Variants in CSMD1 observed in about 807,000 individuals in gnomAD.
CSMD1 encodes CUB and Sushi multiple domains 1, also known as CUB and sushi domain-containing protein 1.
A neutral mutation model predicts 417.5 loss-of-function variants in CSMD1; 213 were observed. The observed-to-expected ratio is 0.51, with a 90% confidence interval of 0.46 to 0.57. CSMD1 has a LOEUF of 0.57. Among genes scored for constraint, CSMD1 ranks in the 20% least tolerant of loss-of-function variants. CSMD1 has a pLI of 0.00. For missense variants in CSMD1, 6,923 were observed against 4,529.7 expected (o/e 1.53, Z -15.17); for synonymous variants, 2,862 against 1,736.8 (o/e 1.65, Z -16.11).
At chr8:4,993,438 C>G (rs999302218) in intron 1 of CSMD1, among the ~76,000 whole-genome samples, 9 of 152,186 alleles carry the variant, frequency 5.9e-5, no homozygotes, top group Admixed American at 1.3e-4. Flanking sequence ...AGCTTATGTT[C>G]TTTCCCGGAG....
chr8:3,074,738 T>C (rs147586376), intron 49 of CSMD1, among the ~76,000 whole-genome samples: 1 of 152,236 alleles, frequency 6.6e-6, no homozygotes, highest in Non-Finnish European at 1.5e-5. Context: ...ACATATATTT[T>C]AGAATAGAAT....
rs193023005 is a variant in CSMD1, at chr8:4,114,715, A to C, written c.416-82616T>G. ...AGGTCAAAATTTCAAAATGAATAGGAGTTTAGAAGAAGTTGATTCCAACAC... is the reference window on the plus strand; with the variant it reads ...AGGTCAAAATTTCAAAATGAATAGGCGTTTAGAAGAAGTTGATTCCAACAC... On this transcript the variant is annotated intron_variant, in intron 3 of 69. Transcript: ENST00000635120. Among the ~76,000 whole-genome samples, 28 of 152,300 alleles carry C rather than the reference A, an allele frequency of 1.8e-4. No individual in the cohort carries two copies. In the East Asian group the frequency reaches 4.4e-3, roughly 24 times the overall value.
intron 6 of CSMD1, 95 bp downstream of exon 6, chr8:3,753,835 G>A: frequency 2.6e-6 from 2 of 755,630 alleles, no homozygotes; most frequent in Non-Finnish European, 2.1e-6. Context: ...CCATTTTCAA[G>A]CTATTTATCC....
chr8:4,486,532 T>C (rs1349719711), intron 2 of CSMD1, among the ~76,000 whole-genome samples: 2 of 152,008 alleles, frequency 1.3e-5, no homozygotes, highest in African/African-American at 4.8e-5. Context: ...TTTATCTGTT[T>C]AGTAATATTT....
At chr8:3,948,990 A>T (rs1341912628) in intron 5 of CSMD1, among the ~76,000 whole-genome samples, 1 of 152,214 alleles carries the variant, frequency 6.6e-6, no homozygotes, top group Non-Finnish European at 1.5e-5. Context: ...GAAGTTGTGT[A>T]TATAACAATT....
At chr8:4,134,341 C>T (rs1166752951) in intron 3 of CSMD1, among the ~76,000 whole-genome samples, 1 of 152,108 alleles carries the variant, frequency 6.6e-6, no homozygotes, top group African/African-American at 2.4e-5. Context: ...AAGGTGGGTC[C>T]TCATCCATGA....
intron 65 of CSMD1, among the ~76,000 whole-genome samples, chr8:2,953,060 A>T (rs1802745905): frequency 6.6e-6 from 1 of 152,174 alleles, no homozygotes; most frequent in Admixed American, 6.5e-5. Flanking sequence ...CTACAAAAGG[A>T]GTGTATAGAT....
At chr8:3,081,445 G>T (rs1235460488) in intron 49 of CSMD1, among the ~76,000 whole-genome samples, 1 of 151,988 alleles carries the variant, frequency 6.6e-6, no homozygotes, top group Admixed American at 6.6e-5. Context: ...AGAGATATTT[G>T]CTATTTTTTA....
chr8:3,115,814 T>C lies in CSMD1; in HGVS notation c.6430+2585A>G, dbSNP rs1188640782. Among the ~76,000 whole-genome samples the C allele has an allele frequency of 3.9e-5, 6 of 152,356 alleles. 1 individual carries two copies. Among genetic ancestry groups the C allele is most frequent in the Admixed American group, 2.0e-4 (3 of 15,308 alleles). ...TTTATTAATTATCTAAACTGGCCAA[T>C]TTTTAATAAAGACATCGAGAAGTTG... On this transcript the variant is annotated intron_variant, in intron 42 of 69. Transcript: ENST00000635120.
At chr8:3,453,271 G>C (rs1344692415) in intron 12 of CSMD1, among the ~76,000 whole-genome samples, 1 of 151,980 alleles carries the variant, frequency 6.6e-6, no homozygotes, top group Non-Finnish European at 1.5e-5. Context: ...CCAGCTCCTG[G>C]ATTCATTTTT....
chr8:4,430,699 A>C (rs1797825588), intron 2 of CSMD1, among the ~76,000 whole-genome samples: 1 of 152,168 alleles, frequency 6.6e-6, no homozygotes, highest in Non-Finnish European at 1.5e-5. Flanking sequence ...GACTATCGGA[A>C]ACAAAAAATC....
In CSMD1 at chr8:3,087,260, G is replaced by T. The variant is rs1393036498; in HGVS notation, c.7311C>A (p.Pro2437=). The change falls in exon 49 of 70, where the codon CCC becomes CCA. Residue 2437 remains proline (P), a synonymous_variant. Coordinates refer to ENST00000635120, the MANE Select transcript of CSMD1 (RefSeq NM_033225.6). ...YAAPYCSLTH[P]LKNGGILNRT... is the part of the protein sequence containing the mutation. ...TGTTTAGAATACCCCCATTCTTCAGGGGGTGGGTCAAACTGCAGTAAGGTG... is the reference window on the plus strand; with the variant it reads ...TGTTTAGAATACCCCCATTCTTCAGTGGGTGGGTCAAACTGCAGTAAGGTG... 1.9e-6 allele frequency: 3 copies of T among 1,613,924 alleles called. No homozygotes were observed. In the South Asian group the frequency reaches 3.3e-5, roughly 18 times the overall value.
At chr8:4,914,590 A>G (rs1805928471) in intron 1 of CSMD1, among the ~76,000 whole-genome samples, 1 of 151,810 alleles carries the variant, frequency 6.6e-6, no homozygotes, top group Non-Finnish European at 1.5e-5. Flanking sequence ...AAAGAAAAAA[A>G]AAAAAAAAAA....
chr8:2,955,883 T>A (rs1420589066), intron 63 of CSMD1, 115 bp from the exon 64 acceptor site: 5 of 670,548 alleles, frequency 7.5e-6, no homozygotes, highest in Non-Finnish European at 1.2e-5. Context: ...AATATGTATA[T>A]ATACATATAT....
chr8:4,484,273 G>A (rs570282709), intron 2 of CSMD1, among the ~76,000 whole-genome samples: 1 of 151,556 alleles, frequency 6.6e-6, no homozygotes, highest in Admixed American at 6.6e-5. Flanking sequence ...CTAGGAACAA[G>A]GTTTCATTTT....
chr8:4,384,061 T>C (rs977558219), intron 3 of CSMD1, among the ~76,000 whole-genome samples: 25 of 152,206 alleles, frequency 1.6e-4, no homozygotes, highest in African/African-American at 5.8e-4. Flanking sequence ...GTGTTGTTTT[T>C]TTTGCACCGT....
At chr8:3,902,905 C>G (rs2129134610) in intron 5 of CSMD1, among the ~76,000 whole-genome samples, 1 of 152,310 alleles carries the variant, frequency 6.6e-6, no homozygotes, top group Admixed American at 6.5e-5. Flanking sequence ...TCATCCTGAT[C>G]TTAACCACTT....
At chr8:4,279,989 A>G (rs1796692730) in intron 3 of CSMD1, among the ~76,000 whole-genome samples, 1 of 152,244 alleles carries the variant, frequency 6.6e-6, no homozygotes, top group Non-Finnish European at 1.5e-5. Flanking sequence ...TGTTTCAAAC[A>G]GAAACACAGG....
At chr8:3,982,678 G>C (rs898567275) in intron 5 of CSMD1, among the ~76,000 whole-genome samples, 1 of 152,026 alleles carries the variant, frequency 6.6e-6, no homozygotes, top group Admixed American at 6.5e-5. Flanking sequence ...GACCAGGGTG[G>C]CGGACCGGAA....
Sources: allele counts gnomAD v4.1 joint callset (sites outside exome capture counted in the v4.1 genomes callset), GRCh38; gene constraint gnomAD v4.1.1; transcripts MANE v1.5; gene names NCBI Gene and HGNC (gene_info 2026-07-23, HGNC 2026-07-21).